The following DAB1 variants were observed in gnomAD, a reference collection of about 807,000 sequenced individuals.
DAB1 encodes DAB adaptor protein 1.
DAB1 carries 15 observed loss-of-function variants against 64.6 expected under a neutral mutation model. That is an observed-to-expected ratio of 0.23 (90% CI 0.16 to 0.36). DAB1 has a LOEUF of 0.36. DAB1 is among the 10% of genes least tolerant of loss of function. The pLI, the probability that DAB1 is intolerant of heterozygous loss-of-function variation, is 1.00. For synonymous variants in DAB1, 235 were observed against 251.9 expected (o/e 0.93, Z 0.64); for missense variants, 596 against 706.7 (o/e 0.84, Z 1.78).
intron 2 of DAB1, among the ~76,000 whole-genome samples, chr1:57,224,745 T>C (rs1308906334): frequency 2.0e-5 from 3 of 152,206 alleles, no homozygotes; most frequent in African/African-American, 7.2e-5. Context: ...GATTCCCCCA[T>C]TGATAGGAGT....
chr1:58,406,975 G>T (rs993291678), intron 3 of DAB1, among the ~76,000 whole-genome samples: 3 of 152,162 alleles, frequency 2.0e-5, no homozygotes, highest in South Asian at 2.1e-4. Context: ...GACACAGGGT[G>T]GGCGTGCTAA....
chr1:57,487,507 G>T (rs1446262768), intron 7 of DAB1, among the ~76,000 whole-genome samples: 1 of 152,142 alleles, frequency 6.6e-6, no homozygotes, highest in Non-Finnish European at 1.5e-5. Context: ...CTCTAGTTCT[G>T]GCACTTGGCT....
intron 3 of DAB1, among the ~76,000 whole-genome samples, chr1:58,373,941 A>AT (rs1267300435): frequency 6.7e-6 from 1 of 148,400 alleles, no homozygotes; most frequent in Non-Finnish European, 1.5e-5. Flanking sequence ...GATGGTGAGC[A>AT]TTTTTTCATG....
intron 6 of DAB1, among the ~76,000 whole-genome samples, chr1:57,746,322 A>AT (rs915509971): frequency 6.6e-5 from 10 of 151,852 alleles, no homozygotes; most frequent in South Asian, 2.1e-4. Context: ...ATATTTCTTC[A>AT]TTTTTTTTCT....
chr1:57,365,942 C>A (rs1185899211), intron 1 of DAB1, among the ~76,000 whole-genome samples: 1 of 152,124 alleles, frequency 6.6e-6, no homozygotes, highest in African/African-American at 2.4e-5. Context: ...TAAGCCTCTC[C>A]AATTTTCCCC....
intron 4 of DAB1, among the ~76,000 whole-genome samples, chr1:58,328,681 C>T (rs1191701626): frequency 2.0e-5 from 3 of 152,152 alleles, no homozygotes; most frequent in African/African-American, 7.2e-5. Context: ...TCTCGGCTCA[C>T]TGCAACCTCC....
intron 1 of DAB1, among the ~76,000 whole-genome samples, chr1:58,538,291 T>A (rs1433145667): frequency 6.6e-6 from 1 of 152,094 alleles, no homozygotes; most frequent in African/African-American, 2.4e-5. Flanking sequence ...GGGAACAGAA[T>A]AGAAAGAAAA....
At chr1:58,209,812 C>A (rs6684844) in intron 4 of DAB1, among the ~76,000 whole-genome samples, 1 of 151,774 alleles carries the variant, frequency 6.6e-6, no homozygotes, top group Admixed American at 6.6e-5. Flanking sequence ...CTATTTGAAT[C>A]GTCTTTAAGA....
At position 57,581,729 on chromosome 1, in the gene DAB1, T is replaced by C. The variant is rs979581044; in HGVS notation, n.625+67863A>G. Among the ~76,000 whole-genome samples the C allele has an allele frequency of 6.1e-5, 9 of 148,622 alleles. No individual in the cohort carries two copies. In the South Asian group the frequency reaches 1.5e-3, roughly 24 times the overall value. ...ATAAATCTAATATATTATTATATAA[T>C]ATATATTATATGTGTTAGATTAATT... On this transcript the variant is annotated intron_variant and non_coding_transcript_variant, in intron 7 of 20. Transcript: ENST00000485760.
At chr1:57,384,735 G>A (rs1681665874) in intron 1 of DAB1, among the ~76,000 whole-genome samples, 2 of 152,054 alleles carry the variant, frequency 1.3e-5, no homozygotes, top group African/African-American at 2.4e-5. Flanking sequence ...GGAGGTGGAG[G>A]GAAAAATGGG....
Position 57,785,633 on chromosome 1 carries a change from A to T in DAB1, n.551+98366T>A, listed in dbSNP as rs141517428. ...GCAAGAGAACTAGGATTAGAAGTGG[A>T]GCCTGAAGATGTGACTGAATTTCTG... is the stretch of plus-strand genomic sequence containing the variant. On this transcript the variant is annotated intron_variant and non_coding_transcript_variant, in intron 6 of 20. Coordinates refer to the DAB1 transcript ENST00000485760. 4.1e-3 allele frequency among the ~76,000 whole-genome samples: 624 copies of T among 152,276 alleles called. 6 individuals carry two copies. The highest frequency in any genetic ancestry group is 0.015 in the African/African-American group (604 of 41,570).
intron 4 of DAB1, among the ~76,000 whole-genome samples, chr1:57,085,300 T>A (rs990496251): frequency 1.3e-5 from 2 of 152,246 alleles, no homozygotes; most frequent in Non-Finnish European, 2.9e-5. Context: ...GCTGTCTGCC[T>A]TCTTGTCCCT....
chr1:57,852,952 G>A (rs1653598455), intron 1 of DAB1, among the ~76,000 whole-genome samples: 1 of 152,104 alleles, frequency 6.6e-6, no homozygotes, highest in Admixed American at 6.6e-5. Context: ...TTGAATGAGT[G>A]AATTCTAATA....
chr1:58,154,227 A>C (rs1354267501), intron 4 of DAB1, among the ~76,000 whole-genome samples: 2 of 152,086 alleles, frequency 1.3e-5, no homozygotes, highest in Non-Finnish European at 2.9e-5. Context: ...CTTTGTACCC[A>C]AAAACCCCTA....
chr1:57,818,717 A>G (rs1651981613), intron 6 of DAB1, among the ~76,000 whole-genome samples: 1 of 150,938 alleles, frequency 6.6e-6, no homozygotes, highest in Non-Finnish European at 1.5e-5. Context: ...AAACTTGAAT[A>G]TATATCTGAT....
intron 5 of DAB1, chr1:58,056,429 C>G (rs746411167): frequency 4.5e-6 from 7 of 1,551,714 alleles, no homozygotes; most frequent in Non-Finnish European, 6.2e-6. Context: ...ATAGGCTGCA[C>G]GTGGCCGCGG....
chr1:57,536,626 T>A (rs1337389943), intron 7 of DAB1, among the ~76,000 whole-genome samples: 3 of 137,972 alleles, frequency 2.2e-5, no homozygotes, highest in Non-Finnish European at 4.8e-5. Flanking sequence ...AAAAAAAAAA[T>A]TGAGTGAATT....
At chr1:57,463,279 C>T (rs1342832645) in intron 7 of DAB1, among the ~76,000 whole-genome samples, 3 of 151,854 alleles carry the variant, frequency 2.0e-5, no homozygotes, top group East Asian at 1.9e-4. Flanking sequence ...AGGTTTAGAG[C>T]GAAGTGCAAA....
intron 7 of DAB1, among the ~76,000 whole-genome samples, chr1:57,561,964 C>A (rs1203618114): frequency 6.6e-6 from 1 of 152,196 alleles, no homozygotes; most frequent in Non-Finnish European, 1.5e-5. Context: ...TTTGCCGATC[C>A]CACATGCAAT....
Sources: allele counts gnomAD v4.1 joint callset (sites outside exome capture counted in the v4.1 genomes callset), GRCh38; gene constraint gnomAD v4.1.1; transcripts MANE v1.5; gene names NCBI Gene and HGNC (gene_info 2026-07-23, HGNC 2026-07-21).